Variants in PTPRD observed in about 807,000 individuals in gnomAD.
PTPRD encodes protein tyrosine phosphatase receptor type D.
In PTPRD, 34 loss-of-function variants were observed where a neutral mutation model predicts 214.5. That is an observed-to-expected ratio of 0.16 (90% CI 0.12 to 0.21). PTPRD has a LOEUF of 0.21. PTPRD is among the 10% of genes least tolerant of loss of function. The pLI is 1.00. For missense variants in PTPRD, 2,545 were observed against 2,398.7 expected, an observed-to-expected ratio of 1.06 and a Z score of -1.27; for synonymous variants, 1,128 against 845.7, an observed-to-expected ratio of 1.33 and a Z score of -5.79.
At chr9:9,090,822 T>G in intron 10 of PTPRD, 1 of 733,632 alleles carries the variant, frequency 1.4e-6, no homozygotes, top group Non-Finnish European at 2.5e-6. Context: ...GACATCTCAA[T>G]GATATCTTAT....
At chr9:10,597,160 A>C (rs1397949958) in intron 2 of PTPRD, among the ~76,000 whole-genome samples, 7 of 151,570 alleles carry the variant, frequency 4.6e-5, no homozygotes, top group African/African-American at 1.7e-4. Context: ...CAAATGCTTT[A>C]TTACGAATAG....
chr9:10,220,274 G>A (rs984773124), intron 3 of PTPRD, among the ~76,000 whole-genome samples: 2 of 151,696 alleles, frequency 1.3e-5, no homozygotes, highest in African/African-American at 4.8e-5. Context: ...TTACTATGTT[G>A]CAGGCACTAT....
At chr9:8,332,656 C>G (rs370051272) in intron 43 of PTPRD, among the ~76,000 whole-genome samples, 1,712 of 101,038 alleles carry the variant, frequency 0.017, 12 homozygotes, top group Non-Finnish European at 0.023. Flanking sequence ...CATTTCTGAT[C>G]TTCTGATCCC....
At chr9:9,690,045 T>C (rs1169011025) in intron 7 of PTPRD, among the ~76,000 whole-genome samples, 1 of 151,908 alleles carries the variant, frequency 6.6e-6, no homozygotes. Flanking sequence ...GTTCTATTTG[T>C]AGATATTTGA....
intron 8 of PTPRD, among the ~76,000 whole-genome samples, chr9:9,544,328 C>T (rs544389557): frequency 7.3e-5 from 11 of 151,556 alleles, no homozygotes; most frequent in Admixed American, 2.0e-4. Context: ...GTTTCCTTAT[C>T]AGAAAATATC....
At chr9:9,518,401 T>C (rs2096886990) in intron 8 of PTPRD, among the ~76,000 whole-genome samples, 1 of 152,090 alleles carries the variant, frequency 6.6e-6, no homozygotes, top group Non-Finnish European at 1.5e-5. Context: ...TAGGTGGATA[T>C]AATGTATAGA....
chr9:10,189,831 T>C (rs1490012889), intron 3 of PTPRD, among the ~76,000 whole-genome samples: 1 of 152,062 alleles, frequency 6.6e-6, no homozygotes, highest in Non-Finnish European at 1.5e-5. Context: ...GAGTAGGAGT[T>C]AGTTTGGCAA....
At chr9:9,446,580 C>T (rs2090482094) in intron 8 of PTPRD, among the ~76,000 whole-genome samples, 1 of 152,062 alleles carries the variant, frequency 6.6e-6, no homozygotes, top group Admixed American at 6.6e-5. Context: ...TTATTGAGGG[C>T]ACATTATTGA....
intron 9 of PTPRD, among the ~76,000 whole-genome samples, chr9:9,232,130 A>C (rs1412311545): frequency 6.6e-6 from 1 of 152,150 alleles, no homozygotes; most frequent in Non-Finnish European, 1.5e-5. Flanking sequence ...ATAAGTTGAG[A>C]TCCTTTAGTA....
chr9:8,485,750 G>A lies in PTPRD; in HGVS notation c.3055+12C>T, dbSNP rs193147619. On this transcript the variant is annotated intron_variant, in intron 28 of 45. Coordinates refer to ENST00000381196, the MANE Select transcript of PTPRD (RefSeq NM_002839.4). ...CTTTAAAGGAGGAAGGCCGTAAGCA[G>A]ACAAATCCTACCTTGATCCACAGGC... 1 of 1,600,280 alleles carries A rather than the reference G, an allele frequency of 6.2e-7. No homozygotes were observed. The highest frequency in any genetic ancestry group is 8.5e-7 in the Non-Finnish European group (1 of 1,172,694).
chr9:9,495,175 T>C (rs2096115090), intron 8 of PTPRD, among the ~76,000 whole-genome samples: 2 of 151,644 alleles, frequency 1.3e-5, no homozygotes, highest in South Asian at 4.2e-4. Context: ...TCAAAATGGG[T>C]CTAAATGTCA....
At chr9:8,459,530 T>C (rs1006905301) in intron 33 of PTPRD, among the ~76,000 whole-genome samples, 31 of 152,086 alleles carry the variant, frequency 2.0e-4, no homozygotes, top group Non-Finnish European at 3.4e-4. Flanking sequence ...ATTTATATTA[T>C]AATTATATTC....
At chr9:9,006,712 A>C (rs1451645759) in intron 11 of PTPRD, among the ~76,000 whole-genome samples, 1 of 152,068 alleles carries the variant, frequency 6.6e-6, no homozygotes, top group Admixed American at 6.6e-5. Context: ...TATTTTAAAA[A>C]AGTTTCATAC....
chr9:9,154,005 A>G (rs2099879076), intron 10 of PTPRD, among the ~76,000 whole-genome samples: 1 of 152,114 alleles, frequency 6.6e-6, no homozygotes, highest in Non-Finnish European at 1.5e-5. Context: ...AGATAGCATC[A>G]CGTATTTTGG....
intron 3 of PTPRD, among the ~76,000 whole-genome samples, chr9:10,299,801 G>A (rs371743193): frequency 1.3e-5 from 2 of 152,128 alleles, no homozygotes; most frequent in Non-Finnish European, 2.9e-5. Flanking sequence ...GCAAATACTC[G>A]TGGAAATAGT....
chr9:9,726,004 C>G (rs1163772629), intron 7 of PTPRD, among the ~76,000 whole-genome samples: 9 of 152,096 alleles, frequency 5.9e-5, no homozygotes, highest in Non-Finnish European at 1.3e-4. Context: ...AATACAGTAA[C>G]TACATGGCTA....
chr9:9,275,118 AT>A (rs1348520306), intron 9 of PTPRD, among the ~76,000 whole-genome samples: 119 of 53,448 alleles, frequency 2.2e-3, no homozygotes, highest in African/African-American at 9.5e-3. Flanking sequence ...TTATATATAT[AT>A]TATATATATT....
intron 9 of PTPRD, among the ~76,000 whole-genome samples, chr9:9,362,006 G>C (rs932546253): frequency 6.6e-6 from 1 of 150,960 alleles, no homozygotes; most frequent in Non-Finnish European, 1.5e-5. Context: ...AGTCATTCTT[G>C]AGTCCAATCA....
At chr9:9,229,537 A>C (rs2099961765) in intron 9 of PTPRD, among the ~76,000 whole-genome samples, 1 of 152,166 alleles carries the variant, frequency 6.6e-6, no homozygotes, top group South Asian at 2.1e-4. Flanking sequence ...TCCTCTCTAG[A>C]CTGTACAAAA....
Sources: allele counts gnomAD v4.1 joint callset (sites outside exome capture counted in the v4.1 genomes callset), GRCh38; gene constraint gnomAD v4.1.1; transcripts MANE v1.5; gene names NCBI Gene and HGNC (gene_info 2026-07-23, HGNC 2026-07-21).